Variants in GOLGA5 observed in about 807,000 individuals in gnomAD.
GOLGA5 encodes golgin A5.
A neutral mutation model predicts 93.5 loss-of-function variants in GOLGA5; 50 were observed. The ratio of observed to expected loss-of-function variants is 0.53; its 90% confidence interval spans 0.43 to 0.68. The LOEUF is 0.68. GOLGA5 is among the 30% of genes least tolerant of loss of function. The pLI, the probability that GOLGA5 is intolerant of heterozygous loss-of-function variation, is 0.00. For missense variants in GOLGA5, 760 were observed against 856.4 expected, an observed-to-expected ratio of 0.89 and a Z score of 1.40; for synonymous variants, 312 against 304.5, an observed-to-expected ratio of 1.02 and a Z score of -0.26.
Position 92,835,584 on chromosome 14 carries a change from T to A in GOLGA5, c.1971T>A (p.Val657=). The A allele has an allele frequency of 6.2e-7, 1 of 1,613,048 alleles. No individual in the cohort carries two copies. Among genetic ancestry groups the A allele is most frequent in the Non-Finnish European group, 8.5e-7 (1 of 1,179,090 alleles). ...GEGTRLRNVP[V]LFNDTETNLA... The stretch of plus-strand genomic sequence containing the variant: ...GCACTCGTCTGCGAAATGTTCCTGT[T>A]CTTTTTAATGACACAGAAACTAATC... The change falls in exon 11 of 13, where the codon GTT becomes GTA. Residue 657 remains valine (V), a synonymous_variant. Coordinates refer to ENST00000163416, the MANE Select transcript of GOLGA5 (RefSeq NM_005113.4).
rs750194903 is a variant in GOLGA5, at chr14:92,833,249, T to G, written c.1847T>G (p.Val616Gly). 1 of 1,613,878 alleles carries G rather than the reference T, an allele frequency of 6.2e-7. No individual in the cohort carries two copies. Among genetic ancestry groups the G allele is most frequent in the Non-Finnish European group, 8.5e-7 (1 of 1,179,784 alleles). Residue 616 changes from valine to glycine, a missense_variant, in exon 10 of 13, where the codon GTC becomes GGC. Transcript: ENST00000163416. The stretch of plus-strand genomic sequence containing the variant: ...CTCAGCACAGAAAAGAACTCCCTGG[T>G]CTTTCAACTGGAGCGCCTCGAACAG... ...ESLSTEKNSL[V>G]FQLERLEQQM...
rs749341040 is a variant in GOLGA5 at position 92,797,415 on chromosome 14, A to G, written c.-23A>G. The G allele has an allele frequency of 2.6e-6, 4 of 1,564,694 alleles. 1 individual carries two copies. The South Asian group carries it at 4.8e-5, about 19-fold the overall frequency. On this transcript the variant is annotated 5_prime_UTR_variant, in exon 2 of 13. Transcript: ENST00000163416. ...TTTATGTCCTTTTTACAGGTTTGCC[A>G]ATAGGATTATCCTGCTGCCATCATG...
intron 3 of GOLGA5, among the ~76,000 whole-genome samples, chr14:92,808,764 G>A (rs1230865739): frequency 1.3e-5 from 2 of 150,606 alleles, no homozygotes; most frequent in Admixed American, 6.6e-5. Flanking sequence ...ATGTTGTGGT[G>A]GCTAACTGCA....
intron 7 of GOLGA5, 121 bp downstream of exon 7, chr14:92,816,542 G>A (rs375746952): frequency 8.6e-6 from 6 of 699,776 alleles, no homozygotes; most frequent in African/African-American, 4.4e-5. Flanking sequence ...GCTTCGCTTC[G>A]CTTCTCTTCT....
chr14:92,832,565 C>G (rs528890042), intron 9 of GOLGA5, among the ~76,000 whole-genome samples: 1 of 152,330 alleles, frequency 6.6e-6, no homozygotes, highest in South Asian at 2.1e-4. Flanking sequence ...GTGCTGTCAT[C>G]TTCACTAACA....
At chr14:92,812,677 A>T (rs1885126832) in intron 6 of GOLGA5, among the ~76,000 whole-genome samples, 2 of 152,170 alleles carry the variant, frequency 1.3e-5, no homozygotes, top group African/African-American at 2.4e-5. Context: ...GTATTTTGGT[A>T]GAACATTTGG....
chr14:92,826,565 G>A (rs892894295), intron 9 of GOLGA5, among the ~76,000 whole-genome samples: 7 of 151,984 alleles, frequency 4.6e-5, no homozygotes, highest in Non-Finnish European at 8.8e-5. Flanking sequence ...GGGCATGGTG[G>A]TGCAGACCTG....
intron 10 of GOLGA5, 137 bp from the exon 11 acceptor site, chr14:92,835,422 G>T: frequency 4.2e-6 from 2 of 479,394 alleles, no homozygotes; most frequent in South Asian, 5.0e-5. Context: ...TTTCTTTATA[G>T]TTTCATCTAC....
chr14:92,815,997 A>G (rs1435560491), intron 6 of GOLGA5, among the ~76,000 whole-genome samples: 1 of 151,660 alleles, frequency 6.6e-6, no homozygotes, highest in African/African-American at 2.4e-5. Flanking sequence ...GAGCCACCGC[A>G]CCCAGCTGGA....
chr14:92,811,940 T>C (rs1461941462), intron 6 of GOLGA5, among the ~76,000 whole-genome samples, 186 bp downstream of exon 6: 2 of 67,310 alleles, frequency 3.0e-5, no homozygotes, highest in East Asian at 1.4e-3. Context: ...ACCACTTCTT[T>C]TAAAAAAAAA....
At chr14:92,820,129 G>C (rs1383260486) in intron 8 of GOLGA5, among the ~76,000 whole-genome samples, 2 of 152,156 alleles carry the variant, frequency 1.3e-5, no homozygotes, top group Non-Finnish European at 2.9e-5. Flanking sequence ...GACCTTCACC[G>C]GCACCGGTCT....
At chr14:92,801,496 C>T (rs1265779442) in intron 2 of GOLGA5, among the ~76,000 whole-genome samples, 6 of 151,728 alleles carry the variant, frequency 4.0e-5, no homozygotes, top group African/African-American at 1.2e-4. Context: ...CTTTTTTCTT[C>T]TTGATTCATA....
chr14:92,798,259 TAAA>T (rs1054299736), intron 2 of GOLGA5, among the ~76,000 whole-genome samples: 1 of 152,212 alleles, frequency 6.6e-6, no homozygotes, highest in East Asian at 1.9e-4. Context: ...ATTTTAAGAT[TAAA>T]AAAAGAAAAT....
At chr14:92,827,420 C>T (rs1056675192) in intron 9 of GOLGA5, among the ~76,000 whole-genome samples, 1 of 152,158 alleles carries the variant, frequency 6.6e-6, no homozygotes, top group Non-Finnish European at 1.5e-5. Context: ...TTTGGGGGCA[C>T]ACAAACTGCA....
intron 2 of GOLGA5, among the ~76,000 whole-genome samples, chr14:92,798,372 C>G (rs1884784725): frequency 6.6e-6 from 1 of 152,178 alleles, no homozygotes. Flanking sequence ...GGCTGTACTT[C>G]ACGTATTTTC....
chr14:92,820,578 G>C (rs1414051602), intron 8 of GOLGA5, among the ~76,000 whole-genome samples: 1 of 152,168 alleles, frequency 6.6e-6, no homozygotes, highest in Non-Finnish European at 1.5e-5. Context: ...TCGGGCTGGG[G>C]GACGGTCAGG....
chr14:92,822,870 G>T (rs1009271174), intron 8 of GOLGA5, among the ~76,000 whole-genome samples: 2 of 151,966 alleles, frequency 1.3e-5, no homozygotes, highest in Non-Finnish European at 1.5e-5. Flanking sequence ...TTGGCCAAGG[G>T]CTGGTCTCAA....
At chr14:92,795,230 T>A (rs964687400) in intron 1 of GOLGA5, among the ~76,000 whole-genome samples, 27 of 152,338 alleles carry the variant, frequency 1.8e-4, no homozygotes, top group African/African-American at 6.5e-4. Flanking sequence ...TGAGCCACAG[T>A]GCCTGGCCTG....
chr14:92,804,821 A>AATTTTTTGT (rs11283131), intron 2 of GOLGA5, among the ~76,000 whole-genome samples: 122,434 of 150,336 alleles, frequency 0.81, 50,539 homozygotes, highest in African/African-American at 0.94. Flanking sequence ...ATGCCCAGCT[A>AATTTTTTGT]ATTTTTAGTA....
Sources: allele counts gnomAD v4.1 joint callset (sites outside exome capture counted in the v4.1 genomes callset), GRCh38; gene constraint gnomAD v4.1.1; transcripts MANE v1.5; gene names NCBI Gene and HGNC (gene_info 2026-07-23, HGNC 2026-07-21).